IL1RAPL2: variants seen among roughly 807,000 people sequenced by gnomAD.
The protein encoded by IL1RAPL2 is X-linked interleukin-1 receptor accessory protein-like 2.
IL1RAPL2 carries 3 observed loss-of-function variants against 44.1 expected under a neutral mutation model. The ratio of observed to expected loss-of-function variants is 0.07; its 90% CI spans 0.03 to 0.18. The LOEUF is 0.18. Ranked by LOEUF, IL1RAPL2 falls within the 10% of genes least tolerant of loss-of-function variation. The pLI, the probability that IL1RAPL2 is intolerant of heterozygous loss-of-function variation, is 1.00. For synonymous variants in IL1RAPL2, 181 were observed against 178.8 expected (o/e 1.01, Z -0.10); for missense variants, 391 against 496.4 (o/e 0.79, Z 2.02).
intron 4 of IL1RAPL2, among the ~76,000 whole-genome samples, chrX:105,248,555 G>T (rs976320047): frequency 1.8e-5 from 2 of 111,299 alleles, no homozygotes; most frequent in Admixed American, 1.9e-4. Context: ...ATGCAAAGGG[G>T]CTTATATGAA....
chrX:105,638,716 A>G (rs929498178), intron 6 of IL1RAPL2, among the ~76,000 whole-genome samples: 2 of 112,379 alleles, frequency 1.8e-5, no homozygotes, highest in Non-Finnish European at 3.8e-5. Flanking sequence ...AAATCTTGTG[A>G]AAAAAATGAA....
intron 5 of IL1RAPL2, among the ~76,000 whole-genome samples, chrX:105,410,366 A>G (rs1003769544): frequency 3.6e-5 from 4 of 110,353 alleles, no homozygotes; most frequent in African/African-American, 6.6e-5. Context: ...CAACACCAAG[A>G]GAAAGAGAGC....
intron 6 of IL1RAPL2, among the ~76,000 whole-genome samples, chrX:105,494,455 A>T (rs368137428): frequency 5.4e-5 from 6 of 111,976 alleles, no homozygotes; most frequent in Admixed American, 3.8e-4. Flanking sequence ...GTAAGCTATT[A>T]TCTTGCTTAT....
At chrX:104,944,580 A>G in intron 2 of IL1RAPL2, among the ~76,000 whole-genome samples, 1 of 111,729 alleles carries the variant, frequency 9.0e-6, no homozygotes. Flanking sequence ...ATTAGTCTAA[A>G]TTTTACATTT....
intron 2 of IL1RAPL2, among the ~76,000 whole-genome samples, chrX:105,084,425 C>T (rs1353553704): frequency 8.9e-6 from 1 of 112,834 alleles, no homozygotes; most frequent in Non-Finnish European, 1.9e-5. Context: ...ATTAGCATGA[C>T]CTGGATGTGA....
chrX:104,920,489 C>T (rs1569343076), intron 2 of IL1RAPL2, among the ~76,000 whole-genome samples: 1 of 100,505 alleles, frequency 9.9e-6, no homozygotes, highest in Non-Finnish European at 2.0e-5. Context: ...AGTGAGTTAT[C>T]GTGAGATATG....
chrX:105,363,698 A>C (rs1225329566), intron 5 of IL1RAPL2, among the ~76,000 whole-genome samples: 1 of 110,364 alleles, frequency 9.1e-6, no homozygotes, highest in Admixed American at 9.8e-5. Context: ...GATAATTAGA[A>C]ATTTTGAGCA....
intron 2 of IL1RAPL2, among the ~76,000 whole-genome samples, chrX:104,894,398 C>A (rs1490539211): frequency 3.6e-5 from 4 of 111,957 alleles, no homozygotes; most frequent in Non-Finnish European, 7.5e-5. Context: ...TGGTTCCATT[C>A]TCCTTGTCAC....
chrX:105,207,032 T>C (rs2033769684), intron 3 of IL1RAPL2, among the ~76,000 whole-genome samples: 1 of 111,862 alleles, frequency 8.9e-6, no homozygotes, highest in Non-Finnish European at 1.9e-5. Flanking sequence ...ATGACACTAC[T>C]TCCCTCCATT....
chrX:105,314,830 T>C (rs2034825114), intron 5 of IL1RAPL2, among the ~76,000 whole-genome samples: 1 of 111,581 alleles, frequency 9.0e-6, no homozygotes, highest in South Asian at 3.8e-4. Flanking sequence ...GTTTACAACA[T>C]TTCAGTGGCC....
chrX:104,647,691 G>A (rs1202143280), intron 1 of IL1RAPL2: 15 of 547,811 alleles, frequency 2.7e-5, no homozygotes, highest in Non-Finnish European at 5.0e-5. Flanking sequence ...AAGATGCAAG[G>A]AAGCTGGCTA....
At chrX:105,395,384 AAAAAG>A (rs892549148) in intron 5 of IL1RAPL2, among the ~76,000 whole-genome samples, 7 of 110,630 alleles carry the variant, frequency 6.3e-5, no homozygotes, top group African/African-American at 2.0e-4. Flanking sequence ...TTAATTAAAA[AAAAAG>A]AAAAGAAGAG....
intron 5 of IL1RAPL2, among the ~76,000 whole-genome samples, chrX:105,331,827 G>A (rs1351755307): frequency 9.0e-6 from 1 of 111,184 alleles, no homozygotes; most frequent in African/African-American, 3.3e-5. Context: ...GACAAAGTAG[G>A]AATTTATAGA....
chrX:105,157,083 G>C (rs776396093), intron 2 of IL1RAPL2, among the ~76,000 whole-genome samples: 1 of 98,801 alleles, frequency 1.0e-5, no homozygotes, highest in East Asian at 3.2e-4. Flanking sequence ...TTCTATGCTA[G>C]CATTAATTTT....
At chrX:104,698,537 A>G (rs1931217422) in intron 2 of IL1RAPL2, among the ~76,000 whole-genome samples, 1 of 111,915 alleles carries the variant, frequency 8.9e-6, no homozygotes, top group South Asian at 3.7e-4. Context: ...GGTTCATAGT[A>G]TATTGTCATA....
At chrX:105,544,687 A>G (rs2036775881) in intron 6 of IL1RAPL2, among the ~76,000 whole-genome samples, 1 of 112,023 alleles carries the variant, frequency 8.9e-6, no homozygotes, top group Admixed American at 9.5e-5. Context: ...GAATTTAGCT[A>G]ATTCATGTTT....
chrX:105,521,506 T>C (rs191621006), intron 6 of IL1RAPL2, among the ~76,000 whole-genome samples: 2 of 111,948 alleles, frequency 1.8e-5, no homozygotes, highest in East Asian at 5.7e-4. Context: ...GTGATAAAGC[T>C]ACACTTGTCT....
chrX:104,625,834 G>A (rs1929495096), intron 1 of IL1RAPL2, among the ~76,000 whole-genome samples: 1 of 111,300 alleles, frequency 9.0e-6, no homozygotes, highest in Non-Finnish European at 1.9e-5. Flanking sequence ...ACTCTTAATG[G>A]TATGACGAAA....
intron 2 of IL1RAPL2, among the ~76,000 whole-genome samples, chrX:105,078,711 C>T (rs1055423756): frequency 9.3e-5 from 7 of 75,442 alleles, no homozygotes; most frequent in African/African-American, 3.0e-4. Flanking sequence ...GCTTTGTTTA[C>T]CTACTCAAGC....
Sources: allele counts gnomAD v4.1 joint callset (sites outside exome capture counted in the v4.1 genomes callset), GRCh38; gene constraint gnomAD v4.1.1; transcripts MANE v1.5; gene names NCBI Gene and HGNC (gene_info 2026-07-23, HGNC 2026-07-21).